Variants in PTPRD observed in about 807,000 individuals in gnomAD.
The protein encoded by PTPRD is receptor-type tyrosine-protein phosphatase delta.
PTPRD carries 34 observed loss-of-function variants against 214.5 expected under a neutral mutation model. That is an observed-to-expected ratio of 0.16 (90% CI 0.12 to 0.21). PTPRD has a LOEUF of 0.21. PTPRD is among the 10% of genes least tolerant of loss of function. PTPRD has a pLI of 1.00. For missense variants in PTPRD, 2,545 were observed against 2,398.7 expected (o/e 1.06, Z -1.27); for synonymous variants, 1,128 against 845.7 (o/e 1.33, Z -5.79).
chr9:8,673,282 G>T (rs2097326647), intron 12 of PTPRD, among the ~76,000 whole-genome samples: 2 of 152,092 alleles, frequency 1.3e-5, no homozygotes, highest in Admixed American at 1.3e-4. Flanking sequence ...AAAATTTGAA[G>T]CAAGTTATGA....
At chr9:9,950,031 G>C (rs1200856854) in intron 4 of PTPRD, among the ~76,000 whole-genome samples, 2 of 152,130 alleles carry the variant, frequency 1.3e-5, no homozygotes, top group Admixed American at 6.6e-5. Context: ...AAGTCTCTTA[G>C]TTATTCTTAA....
chr9:9,864,706 A>C (rs1242855199), intron 5 of PTPRD, among the ~76,000 whole-genome samples: 1 of 151,944 alleles, frequency 6.6e-6, no homozygotes, highest in African/African-American at 2.4e-5. Context: ...TTCTGTAGAG[A>C]CAGGGTGTCA....
In PTPRD at chr9:9,669,532, T is replaced by C. The variant is rs1370583316; in HGVS notation, c.-287+65001A>G. On this transcript the variant is annotated intron_variant, in intron 7 of 45. Transcript: ENST00000381196. ...ACATTAAACACATTTTGAAAATTGA[T>C]ACTTCTTATGTGTGAGTGTTTGAAG... Among the ~76,000 whole-genome samples, 3 of 152,218 alleles carry C rather than the reference T, an allele frequency of 2.0e-5. 1 individual carries two copies. Among genetic ancestry groups the C allele is most frequent in the Non-Finnish European group, 2.9e-5 (2 of 68,026 alleles).
At chr9:9,991,819 G>A (rs902573357) in intron 4 of PTPRD, among the ~76,000 whole-genome samples, 1 of 132,848 alleles carries the variant, frequency 7.5e-6, no homozygotes, top group African/African-American at 2.8e-5. Flanking sequence ...ATGTGCGAGG[G>A]ACTTCAACAG....
At chr9:9,625,553 A>ATTTTTTTTTTTTTT (rs61688647) in intron 7 of PTPRD, among the ~76,000 whole-genome samples, 1 of 142,874 alleles carries the variant, frequency 7.0e-6, no homozygotes. Context: ...TTGTTCCTCT[A>ATTTTTTTTTTTTTT]TTTTTTTTTT....
intron 2 of PTPRD, among the ~76,000 whole-genome samples, chr9:10,544,415 G>A (rs973667558): frequency 2.0e-5 from 3 of 152,056 alleles, no homozygotes; most frequent in Admixed American, 1.3e-4. Context: ...TTTCATTGTT[G>A]CTTTTTTCTT....
intron 11 of PTPRD, among the ~76,000 whole-genome samples, chr9:8,781,089 C>T (rs951418373): frequency 6.6e-6 from 1 of 152,108 alleles, no homozygotes; most frequent in Non-Finnish European, 1.5e-5. Context: ...ATTTCACCAA[C>T]CACTTTTTTT....
chr9:10,095,250 C>T (rs2098471455), intron 3 of PTPRD, among the ~76,000 whole-genome samples: 1 of 151,186 alleles, frequency 6.6e-6, no homozygotes, highest in Non-Finnish European at 1.5e-5. Flanking sequence ...ATCTGAAAAA[C>T]ACAGTTAAAT....
intron 8 of PTPRD, among the ~76,000 whole-genome samples, chr9:9,425,021 T>C (rs1232006473): frequency 6.6e-6 from 1 of 152,150 alleles, no homozygotes; most frequent in Non-Finnish European, 1.5e-5. Flanking sequence ...ATTATATCAG[T>C]TCTTAGTTTA....
intron 11 of PTPRD, among the ~76,000 whole-genome samples, chr9:8,999,851 T>C (rs2099410778): frequency 6.6e-6 from 1 of 152,052 alleles, no homozygotes; most frequent in Non-Finnish European, 1.5e-5. Flanking sequence ...GATTGAGCTT[T>C]GTGGAACAGG....
intron 9 of PTPRD, among the ~76,000 whole-genome samples, chr9:9,341,565 G>C (rs1330977137): frequency 1.3e-5 from 2 of 152,074 alleles, no homozygotes; most frequent in South Asian, 4.2e-4. Context: ...TCCACTTACT[G>C]CTTGGCTGAC....
At chr9:10,591,224 T>C (rs1247395097) in intron 2 of PTPRD, among the ~76,000 whole-genome samples, 1 of 151,944 alleles carries the variant, frequency 6.6e-6, no homozygotes, top group Non-Finnish European at 1.5e-5. Flanking sequence ...TTGTGCTTAC[T>C]CCATCTCTAT....
At chr9:10,292,132 T>C (rs2095544953) in intron 3 of PTPRD, among the ~76,000 whole-genome samples, 1 of 152,110 alleles carries the variant, frequency 6.6e-6, no homozygotes, top group South Asian at 2.1e-4. Flanking sequence ...AATTTTATTA[T>C]AATTAATCCT....
chr9:8,782,733 G>T (rs933421935), intron 11 of PTPRD, among the ~76,000 whole-genome samples: 1 of 151,874 alleles, frequency 6.6e-6, no homozygotes, highest in Non-Finnish European at 1.5e-5. Flanking sequence ...GAGTAGCTGG[G>T]ATTACAGGCG....
At chr9:8,863,094 T>A (rs1296893436) in intron 11 of PTPRD, among the ~76,000 whole-genome samples, 1 of 152,178 alleles carries the variant, frequency 6.6e-6, no homozygotes, top group Non-Finnish European at 1.5e-5. Flanking sequence ...ATCCACATCT[T>A]TCATAAAGAA....
chr9:8,372,403 C>A (rs2081832755), intron 39 of PTPRD, among the ~76,000 whole-genome samples: 1 of 151,970 alleles, frequency 6.6e-6, no homozygotes, highest in African/African-American at 2.4e-5. Flanking sequence ...TTATATGTAT[C>A]TATTTTATGT....
chr9:8,571,189 C>T (rs919156611), intron 14 of PTPRD, among the ~76,000 whole-genome samples: 4 of 152,042 alleles, frequency 2.6e-5, no homozygotes, highest in Non-Finnish European at 4.4e-5. Context: ...CATTAGCAAA[C>T]TTCTCTTTTA....
intron 8 of PTPRD, among the ~76,000 whole-genome samples, chr9:9,433,671 G>C (rs17767692): frequency 0.065 from 9,820 of 152,090 alleles, 348 homozygotes; most frequent in Middle Eastern, 0.18. Flanking sequence ...TCACAAAATA[G>C]ATTTTACACA....
intron 3 of PTPRD, among the ~76,000 whole-genome samples, chr9:10,060,900 CTTTCTTT>C (rs1330984806): frequency 2.7e-5 from 1 of 37,346 alleles, no homozygotes; most frequent in African/African-American, 2.4e-4. Flanking sequence ...TTCCTTCCTT[CTTTCTTT>C]CTTTCTTTCT....
Sources: gnomAD v4.1 joint callset for allele counts (sites outside exome capture counted in the v4.1 genomes callset) on GRCh38, gnomAD v4.1.1 for gene constraint, MANE v1.5 for transcripts, NCBI Gene and HGNC (gene_info 2026-07-23, HGNC 2026-07-21) for gene names.